Variants in TBCD observed in about 807,000 individuals in gnomAD.
The protein encoded by TBCD is tubulin-specific chaperone D.
Under a neutral mutation model 169.3 loss-of-function variants are expected in TBCD, and 105 were observed. The observed-to-expected ratio is 0.62, with a 90% confidence interval of 0.53 to 0.73. TBCD has a LOEUF of 0.73. Among genes scored for constraint, TBCD ranks in the 30% least tolerant of loss-of-function variants. TBCD has a pLI of 0.00. For missense variants in TBCD, 1,444 were observed against 1,600.1 expected, an observed-to-expected ratio of 0.90 and a Z score of 1.66; for synonymous variants, 700 against 643.9, an observed-to-expected ratio of 1.09 and a Z score of -1.32.
At chr17:82,765,483 A>C (rs867945260) in intron 3 of TBCD, among the ~76,000 whole-genome samples, 2 of 151,856 alleles carry the variant, frequency 1.3e-5, no homozygotes, top group African/African-American at 2.4e-5. Flanking sequence ...GGCAGTTTTG[A>C]CTATGGAAGT....
At chr17:82,921,288 C>T in intron 24 of TBCD, 2 of 563,978 alleles carry the variant, frequency 3.5e-6, no homozygotes, top group Non-Finnish European at 6.3e-6. Flanking sequence ...TGGTATTTCC[C>T]TCAATAAGAG....
chr17:82,841,458 C>T (rs1240464088), intron 13 of TBCD, among the ~76,000 whole-genome samples: 2 of 152,110 alleles, frequency 1.3e-5, no homozygotes, highest in African/African-American at 4.8e-5. Context: ...GCTGGGACTA[C>T]AGGCACGGTC....
In TBCD at chr17:82,897,517, CAAA is replaced by C. The variant is rs34695419; in HGVS notation, c.1650-3119_1650-3117del. Among the ~76,000 whole-genome samples, 9 of 134,724 alleles carry C rather than the reference CAAA, an allele frequency of 6.7e-5. No homozygotes were observed. The South Asian group carries it at 1.6e-3, about 25-fold the overall frequency. The allele number at this position is 134,724 out of a possible 152,430, so 88.4% of individuals were successfully genotyped here. ...TGGGCAGCAGAATGAGACTCCGTCTCAAAAAAAAAAAAAAAAATCAGCTTTATC... is the reference window on the plus strand; with the variant it reads ...TGGGCAGCAGAATGAGACTCCGTCTCAAAAAAAAAAAAAATCAGCTTTATC... On this transcript the variant is annotated intron_variant, in intron 17 of 38. Coordinates refer to ENST00000355528, the MANE Select transcript of TBCD (RefSeq NM_005993.5).
chr17:82,924,483 C>T (rs552807979), intron 26 of TBCD, among the ~76,000 whole-genome samples: 1 of 152,204 alleles, frequency 6.6e-6, no homozygotes, highest in South Asian at 2.1e-4. Context: ...ATGAATCGTA[C>T]TTTTATTTTT....
Position 82,773,733 on chromosome 17 carries a change from T to C in TBCD, c.638+1226T>C, listed in dbSNP as rs557560315. 3.0e-4 allele frequency among the ~76,000 whole-genome samples: 45 copies of C among 152,024 alleles called. No individual in the cohort carries two copies. In the East Asian group the frequency reaches 8.3e-3, roughly 28 times the overall value. On this transcript the variant is annotated intron_variant, in intron 6 of 38. Coordinates refer to ENST00000355528, the MANE Select transcript of TBCD (RefSeq NM_005993.5). ...AGTGTCTTTTCTTTTTCTTTCTTTT[T>C]TTTTTTTAATTGAGATGGAGTCTCA...
At chr17:82,885,485 T>C (rs1179882157) in intron 15 of TBCD, among the ~76,000 whole-genome samples, 1 of 152,200 alleles carries the variant, frequency 6.6e-6, no homozygotes, top group Admixed American at 6.5e-5. Context: ...GCTCAGAAGC[T>C]CTTCTCTGTC....
At chr17:82,850,430 C>T (rs905191960) in intron 13 of TBCD, among the ~76,000 whole-genome samples, 2 of 114,720 alleles carry the variant, frequency 1.7e-5, no homozygotes, top group Admixed American at 1.9e-4. Flanking sequence ...GTTGGCTGTG[C>T]TGTTGTTGGC....
chr17:82,849,470 T>C (rs970360297), intron 13 of TBCD, among the ~76,000 whole-genome samples: 6 of 152,242 alleles, frequency 3.9e-5, no homozygotes, highest in African/African-American at 1.4e-4. Context: ...ATATCTTCCT[T>C]GTTTCCTCGC....
At chr17:82,803,885 G>A (rs1481281283) in intron 9 of TBCD, among the ~76,000 whole-genome samples, 25 of 150,320 alleles carry the variant, frequency 1.7e-4, no homozygotes, top group African/African-American at 6.1e-4. Context: ...ACTGGGGGCT[G>A]GGGTGTGCCA....
rs1020426784 is a variant in TBCD, at chr17:82,930,438, C to T, written c.2992-84C>T. Reference sequence around the variant, plus strand: ...AGCTCGGAGCAGTTCTGCTCTTCAGCAGATGCTTGACCGGCTGTAGCCAAG... The same window carrying T: ...AGCTCGGAGCAGTTCTGCTCTTCAGTAGATGCTTGACCGGCTGTAGCCAAG... On this transcript the variant is annotated intron_variant, in intron 32 of 38. Coordinates refer to ENST00000355528, the MANE Select transcript of TBCD (RefSeq NM_005993.5). This position sits in a 1 kb window ranked among gnomAD's most constrained non-coding sequence, Gnocchi z 5.2. 6 of 1,539,464 alleles carry T rather than the reference C, an allele frequency of 3.9e-6. No homozygotes were observed. In the Admixed American group the frequency reaches 9.8e-5, roughly 25 times the overall value.
chr17:82,925,423 G>A (rs749806412), intron 27 of TBCD, among the ~76,000 whole-genome samples: 1 of 152,156 alleles, frequency 6.6e-6, no homozygotes, highest in Admixed American at 6.5e-5. Context: ...CATCCAGGTC[G>A]GGGCAGAGGT....
At chr17:82,896,334 G>T (rs976181788) in intron 17 of TBCD, among the ~76,000 whole-genome samples, 24 of 152,172 alleles carry the variant, frequency 1.6e-4, no homozygotes, top group South Asian at 4.1e-4. Context: ...CTTCTGGGCA[G>T]TGTCTTGTCT....
chr17:82,867,937 C>G (rs576009624), intron 13 of TBCD, among the ~76,000 whole-genome samples: 42 of 152,226 alleles, frequency 2.8e-4, no homozygotes, highest in Middle Eastern at 6.8e-3. Context: ...ACAGGTCCCC[C>G]AGGGGGAGGA....
intron 13 of TBCD, among the ~76,000 whole-genome samples, chr17:82,860,688 G>T (rs2056682196): frequency 6.6e-6 from 1 of 152,162 alleles, no homozygotes; most frequent in Non-Finnish European, 1.5e-5. Context: ...GGGTCCTTGT[G>T]TGCTGTGTTT....
At chr17:82,845,113 C>T (rs1028869800) in intron 13 of TBCD, among the ~76,000 whole-genome samples, 28 of 152,032 alleles carry the variant, frequency 1.8e-4, no homozygotes, top group Admixed American at 5.2e-4. Flanking sequence ...GCTGGCGCCG[C>T]GGCCTCTGTG....
At position 82,942,324 on chromosome 17, in the gene TBCD, C is replaced by T. The variant is rs2063383154; in HGVS notation, c.3565-125C>T. 2.1e-6 allele frequency: 3 copies of T among 1,415,608 alleles called. No individual in the cohort carries two copies. In the Admixed American group the frequency reaches 6.1e-5, roughly 29 times the overall value. 87.7% of individuals were successfully genotyped at this position (1,415,608 alleles called of 1,614,324 possible). Reference sequence around the variant, plus strand: ...AGGCTGCCGGGTGTGTGGGAAACGGCACAAATGGTTTCCTGCAGGAACCGT... The same window carrying T: ...AGGCTGCCGGGTGTGTGGGAAACGGTACAAATGGTTTCCTGCAGGAACCGT... On this transcript the variant is annotated intron_variant, in intron 38 of 38. Coordinates refer to ENST00000355528, the MANE Select transcript of TBCD (RefSeq NM_005993.5).
chr17:82,896,798 G>T (rs1027411602), intron 17 of TBCD, among the ~76,000 whole-genome samples: 1 of 152,100 alleles, frequency 6.6e-6, no homozygotes, highest in Non-Finnish European at 1.5e-5. Context: ...ATGGCTTTCG[G>T]CGTGATGGTG....
intron 13 of TBCD, among the ~76,000 whole-genome samples, chr17:82,847,991 GC>G (rs1427617040): frequency 6.6e-6 from 1 of 152,216 alleles, no homozygotes; most frequent in African/African-American, 2.4e-5. Context: ...TGGGAGTAGA[GC>G]AAACGGCCCC....
chr17:82,937,373 T>G lies in TBCD; in HGVS notation c.3281+13T>G, dbSNP rs1388134432. On this transcript the variant is annotated intron_variant, in intron 35 of 38. Transcript: ENST00000355528. Reference sequence around the variant, plus strand: ...CAGGCATCGCAGTGTGAGTTTCAAGTGCTGCTGGCCTTAGACGGAATGGCA... The same window carrying G: ...CAGGCATCGCAGTGTGAGTTTCAAGGGCTGCTGGCCTTAGACGGAATGGCA... The G allele has an allele frequency of 1.2e-6, 2 of 1,613,152 alleles. No homozygotes were observed. The highest frequency in any genetic ancestry group is 2.7e-5 in the African/African-American group (2 of 74,940).
Sources: allele counts gnomAD v4.1 joint callset (sites outside exome capture counted in the v4.1 genomes callset), GRCh38; gene constraint gnomAD v4.1.1; non-coding constraint Gnocchi (gnomAD v3.1); transcripts MANE v1.5; gene names NCBI Gene and HGNC (gene_info 2026-07-23, HGNC 2026-07-21).